Variants in NBEA observed in about 807,000 individuals in gnomAD.
NBEA encodes neurobeachin.
Under a neutral mutation model 343.4 loss-of-function variants are expected in NBEA, and 44 were observed. The observed-to-expected ratio is 0.13, with a 90% confidence interval of 0.10 to 0.16. The LOEUF is 0.16. NBEA is among the 10% of genes least tolerant of loss of function. NBEA has a pLI of 1.00. For synonymous variants in NBEA, 1,175 were observed against 1,238.7 expected, an observed-to-expected ratio of 0.95 and a Z score of 1.08; for missense variants, 2,555 against 3,631.3, an observed-to-expected ratio of 0.70 and a Z score of 7.62.
chr13:35,395,674 T>A (rs986890169), intron 38 of NBEA, among the ~76,000 whole-genome samples: 3 of 152,156 alleles, frequency 2.0e-5, no homozygotes, highest in Admixed American at 2.0e-4. Flanking sequence ...GTTGATAGTG[T>A]GTTTCAGACT....
chr13:35,126,436 A>C (rs2152680975), intron 17 of NBEA, among the ~76,000 whole-genome samples: 1 of 152,316 alleles, frequency 6.6e-6, no homozygotes, highest in Non-Finnish European at 1.5e-5. Flanking sequence ...TTGGACAAAT[A>C]CTGGAAGAAA....
intron 38 of NBEA, among the ~76,000 whole-genome samples, chr13:35,406,862 A>G (rs565036563): frequency 2.0e-5 from 3 of 152,118 alleles, no homozygotes; most frequent in South Asian, 2.1e-4. Flanking sequence ...GTTGAGCTCA[A>G]TTTCCTGGAC....
At chr13:35,475,041 T>C (rs1257155639) in intron 41 of NBEA, 54 of 1,602,486 alleles carry the variant, frequency 3.4e-5, no homozygotes, top group Non-Finnish European at 4.5e-5. Context: ...TAATTTCGGC[T>C]CTTGATTAAA....
intron 41 of NBEA, among the ~76,000 whole-genome samples, chr13:35,537,770 A>G (rs1449224948): frequency 6.6e-6 from 1 of 152,206 alleles, no homozygotes; most frequent in Non-Finnish European, 1.5e-5. Flanking sequence ...GGTAGGTAAC[A>G]AGGGACTGAA....
intron 41 of NBEA, among the ~76,000 whole-genome samples, chr13:35,499,166 T>C (rs780469161): frequency 1.3e-5 from 2 of 152,116 alleles, no homozygotes; most frequent in Non-Finnish European, 2.9e-5. Context: ...GTTTACCTGG[T>C]TGAAATTCAA....
At chr13:35,574,948 C>T (rs1312484773) in intron 45 of NBEA, among the ~76,000 whole-genome samples, 2 of 152,028 alleles carry the variant, frequency 1.3e-5, no homozygotes, top group Non-Finnish European at 2.9e-5. Context: ...TGGGGTTTCA[C>T]CATGTGGGCC....
intron 46 of NBEA, among the ~76,000 whole-genome samples, chr13:35,587,551 C>G (rs1475835838): frequency 6.6e-6 from 1 of 152,098 alleles, no homozygotes; most frequent in Non-Finnish European, 1.5e-5. Context: ...AAAATGTTAT[C>G]AACTGGGTTG....
intron 35 of NBEA, 147 bp downstream of exon 35, chr13:35,290,597 G>C: frequency 3.6e-6 from 2 of 558,056 alleles, no homozygotes; most frequent in Non-Finnish European, 3.1e-6. Context: ...AATTTATGTT[G>C]AGTTTTATTA....
chr13:35,582,727 C>A (rs770607659), intron 45 of NBEA, among the ~76,000 whole-genome samples: 6 of 152,034 alleles, frequency 3.9e-5, no homozygotes, highest in Non-Finnish European at 8.8e-5. Flanking sequence ...GATAAGCACC[C>A]TTGCAAATAA....
chr13:35,036,581 G>C (rs776512279), intron 1 of NBEA, among the ~76,000 whole-genome samples: 33 of 152,068 alleles, frequency 2.2e-4, no homozygotes, highest in Non-Finnish European at 4.7e-4. Context: ...TTGTAGGACA[G>C]GTCTGGTGTT....
chr13:35,275,033 G>C (rs1376074672), intron 34 of NBEA, among the ~76,000 whole-genome samples: 3 of 152,134 alleles, frequency 2.0e-5, no homozygotes, highest in Non-Finnish European at 4.4e-5. Context: ...AACCAAAAAA[G>C]ATCCTGCATA....
chr13:35,093,966 A>G (rs1028409755), intron 10 of NBEA, among the ~76,000 whole-genome samples: 1 of 151,778 alleles, frequency 6.6e-6, no homozygotes, highest in Admixed American at 6.6e-5. Context: ...ATTTTGTTAC[A>G]TACTATATAC....
intron 10 of NBEA, among the ~76,000 whole-genome samples, chr13:35,096,591 T>C (rs2152635755): frequency 6.6e-6 from 1 of 152,064 alleles, no homozygotes; most frequent in East Asian, 1.9e-4. Context: ...TTGTGAGGCA[T>C]TTCTAGTCGT....
intron 34 of NBEA, among the ~76,000 whole-genome samples, chr13:35,277,447 C>A (rs1430476397): frequency 6.6e-6 from 1 of 151,598 alleles, no homozygotes; most frequent in Non-Finnish European, 1.5e-5. Context: ...CATGGAGAAA[C>A]CCTGTCTCTA....
chr13:34,982,496 T>G (rs1433355140), intron 1 of NBEA, among the ~76,000 whole-genome samples: 1 of 152,078 alleles, frequency 6.6e-6, no homozygotes, highest in Non-Finnish European at 1.5e-5. Flanking sequence ...AGACAGAATT[T>G]CACCATGTTG....
intron 33 of NBEA, among the ~76,000 whole-genome samples, chr13:35,222,737 A>G (rs1327944895): frequency 6.6e-6 from 1 of 152,196 alleles, no homozygotes; most frequent in Non-Finnish European, 1.5e-5. Flanking sequence ...ACAAAGTTTC[A>G]TGTGTTAATA....
At chr13:35,189,730 A>T (rs889987915) in intron 30 of NBEA, among the ~76,000 whole-genome samples, 5 of 152,074 alleles carry the variant, frequency 3.3e-5, no homozygotes, top group African/African-American at 1.2e-4. Context: ...CCTCCAAAAT[A>T]CTGCTTTTCT....
At chr13:35,098,211 T>C (rs1016449834) in intron 10 of NBEA, 86 bp from the exon 11 acceptor site, 2 of 874,698 alleles carry the variant, frequency 2.3e-6, no homozygotes, top group African/African-American at 3.4e-5. Flanking sequence ...TATGGTTATC[T>C]TTTGGCATAA....
intron 25 of NBEA, among the ~76,000 whole-genome samples, chr13:35,170,731 A>G (rs1001038900): frequency 2.6e-5 from 4 of 151,900 alleles, no homozygotes; most frequent in African/African-American, 9.7e-5. Context: ...AGTACCTAGT[A>G]GTTTCAGTTT....
Sources: gnomAD v4.1 joint callset for allele counts (sites outside exome capture counted in the v4.1 genomes callset) on GRCh38, gnomAD v4.1.1 for gene constraint, MANE v1.5 for transcripts, NCBI Gene and HGNC (gene_info 2026-07-23, HGNC 2026-07-21) for gene names.